Variants in ABCC5 observed in about 807,000 individuals in gnomAD.
ABCC5 encodes ATP binding cassette subfamily C member 5.
ABCC5 carries 61 observed loss-of-function variants against 160.9 expected under a neutral mutation model. The ratio of observed to expected loss-of-function variants is 0.38; its 90% CI spans 0.31 to 0.47. The LOEUF (loss-of-function observed/expected upper bound fraction) is 0.47, where lower values mean the gene tolerates loss of function less well. Among genes scored for constraint, ABCC5 ranks in the 20% least tolerant of loss-of-function variants. The pLI, the probability that ABCC5 is intolerant of heterozygous loss-of-function variation, is 0.99. For missense variants in ABCC5, 1,308 were observed against 1,813.3 expected (o/e 0.72, Z 5.06); for synonymous variants, 666 against 700.6 (o/e 0.95, Z 0.78).
rs572895341 is a variant in ABCC5 at position 183,947,388 on chromosome 3, A to G, written c.3350T>C (p.Ile1117Thr). 2.5e-6 allele frequency: 4 copies of G among 1,613,818 alleles called. No individual in the cohort carries two copies. The East Asian group carries it at 8.9e-5, about 36-fold the overall frequency. ...IALITTTGLMIVLMHGQIPPA... is the reference protein window; with the variant it reads ...IALITTTGLMTVLMHGQIPPA... ...GGGAATCTGCCCGTGCATAAGAACG[A>G]TCATCAGCCCCGTGGTGGTGATGAG... Residue 1117 changes from isoleucine (I) to threonine (T), a missense_variant, in exon 23 of 30, where the codon ATC becomes ACC. By Grantham distance (89) the Ile-to-Thr change is moderately conservative. Coordinates refer to ENST00000334444, the MANE Select transcript of ABCC5 (RefSeq NM_005688.4).
intron 10 of ABCC5, among the ~76,000 whole-genome samples, chr3:183,972,903 C>T (rs1717891115): frequency 6.6e-6 from 1 of 152,164 alleles, no homozygotes. Context: ...GCCTCAGCCT[C>T]CCAAAGTGCT....
Position 183,982,510 on chromosome 3 carries a change from T to G in ABCC5, c.940A>C (p.Ile314Leu), listed in dbSNP as rs753795471. Residue 314 changes from isoleucine (I) to leucine (L), a missense_variant, in exon 7 of 30, where the codon ATT becomes CTT. By Grantham distance (5) the Ile-to-Leu change is conservative. Coordinates refer to ENST00000334444, the MANE Select transcript of ABCC5 (RefSeq NM_005688.4). The surrounding 1 kb of genome is among the most constrained non-coding windows in gnomAD (Gnocchi z 5.2). ...CCCAGGAAGCCTGTTGGTCCCAGAA[T>G]AATTACATTATAAATCATGCCTAAG... ...AILGMIYNVI[I>L]LGPTGFLGSA... is the part of the protein sequence containing the mutation. 2.5e-6 allele frequency: 4 copies of G among 1,614,030 alleles called. No homozygotes were observed. Among genetic ancestry groups the G allele is most frequent in the Non-Finnish European group, 3.4e-6 (4 of 1,180,034 alleles).
chr3:183,989,439 CAAACGGAACTGATG>C, intron 2 of ABCC5, 56 bp from the exon 3 acceptor site: 1 of 1,576,038 alleles, frequency 6.3e-7, no homozygotes, highest in South Asian at 1.1e-5. Flanking sequence ...AGGCGAGAGG[CAAACGGAACTGATG>C]AAACAGCTCA....
At chr3:183,942,237 C>T (rs1325059942) in intron 25 of ABCC5, among the ~76,000 whole-genome samples, 1 of 152,018 alleles carries the variant, frequency 6.6e-6, no homozygotes, top group Non-Finnish European at 1.5e-5. Context: ...CGGGGTTTCA[C>T]CATGTTGTTC....
rs1398060624 is a variant in ABCC5 at position 183,949,227 on chromosome 3, C to T, written c.3227+526G>A. On this transcript the variant is annotated intron_variant, in intron 22 of 29. Transcript: ENST00000334444. This position sits in a 1 kb window ranked among gnomAD's most constrained non-coding sequence, Gnocchi z 4.2. ...TTGAAGAACATTTTAGTTCCAATCT[C>T]TTATTAATACAAAGCTCCACAATGA... 6.6e-6 allele frequency among the ~76,000 whole-genome samples: 1 copy of T among 152,194 alleles called. No homozygotes were observed. Among genetic ancestry groups the T allele is most frequent in the African/African-American group, 2.4e-5 (1 of 41,456 alleles).
rs370600973 is a variant in ABCC5, at chr3:183,995,933, G to A, written c.130-6550C>T. ...CTCCATTCTCCTGCCTCAGCCTCCC[G>A]AGTAGCTGGGATTACAGGCACCCGC... On this transcript the variant is annotated intron_variant, in intron 2 of 29. Coordinates refer to ENST00000334444, the MANE Select transcript of ABCC5 (RefSeq NM_005688.4). Among the ~76,000 whole-genome samples the A allele has an allele frequency of 1.7e-4, 26 of 151,862 alleles. 1 individual carries two copies. In the South Asian group the frequency reaches 3.5e-3, roughly 21 times the overall value.
chr3:183,985,001 C>T, intron 5 of ABCC5: 1 of 953,736 alleles, frequency 1.0e-6, no homozygotes, highest in Non-Finnish European at 1.6e-6. Flanking sequence ...ATGGGAGGAG[C>T]AGGGAAGGTA....
intron 5 of ABCC5, chr3:183,984,626 C>T: frequency 4.2e-6 from 6 of 1,415,840 alleles, no homozygotes; most frequent in Non-Finnish European, 5.5e-6. Context: ...TAGGAGACTT[C>T]AGATTCCAAG....
chr3:183,926,563 A>T (rs896893406), intron 28 of ABCC5, among the ~76,000 whole-genome samples: 2 of 151,850 alleles, frequency 1.3e-5, no homozygotes, highest in Non-Finnish European at 2.9e-5. Context: ...AACAAAACAA[A>T]ACAAAACAAA....
chr3:183,938,075 G>A lies in ABCC5; in HGVS notation c.3695-15C>T. ...CGAGGACTTCCCTGATGAGTCAGAA[G>A]ACATGCAAGAGAGGAGCTGTTAGCA... On this transcript the variant is annotated splice_polypyrimidine_tract_variant and intron_variant, in intron 25 of 29. Coordinates refer to ENST00000334444, the MANE Select transcript of ABCC5 (RefSeq NM_005688.4). 6.2e-7 allele frequency: 1 copy of A among 1,612,886 alleles called. No individual in the cohort carries two copies. Among genetic ancestry groups the A allele is most frequent in the Non-Finnish European group, 8.5e-7 (1 of 1,179,294 alleles).
rs892093791 is a variant in ABCC5 at position 184,000,971 on chromosome 3, G to C, written c.130-11588C>G. On this transcript the variant is annotated intron_variant, in intron 2 of 29. Coordinates refer to ENST00000334444, the MANE Select transcript of ABCC5 (RefSeq NM_005688.4). Reference sequence around the variant, plus strand: ...AGCCACATTTAAAAAGTAAAAAGTAGGCAGTGTACAGTGGCTTATGCCTGT... The same window carrying C: ...AGCCACATTTAAAAAGTAAAAAGTACGCAGTGTACAGTGGCTTATGCCTGT... 12 of 381,944 alleles carry C rather than the reference G, an allele frequency of 3.1e-5. No homozygotes were observed. In the Admixed American group the frequency reaches 4.9e-4, roughly 16 times the overall value. The allele number at this position is 381,944 out of a possible 1,614,324, so 23.7% of individuals were successfully genotyped here.
chr3:183,957,922 C>G, intron 17 of ABCC5, among the ~76,000 whole-genome samples: 1 of 149,848 alleles, frequency 6.7e-6, no homozygotes, highest in Middle Eastern at 3.5e-3. Context: ...GTGTGTATAT[C>G]ACATCGGTTA....
intron 2 of ABCC5, among the ~76,000 whole-genome samples, chr3:183,999,177 G>A (rs1217584217): frequency 6.6e-6 from 1 of 151,160 alleles, no homozygotes; most frequent in Non-Finnish European, 1.5e-5. Context: ...TCTCCCACTT[G>A]AAACTAACTA....
chr3:183,923,003 A>G (rs1712157011), intron 29 of ABCC5, among the ~76,000 whole-genome samples: 1 of 152,140 alleles, frequency 6.6e-6, no homozygotes, highest in South Asian at 2.1e-4. Context: ...TTAGTCTGGT[A>G]TTTTGTGTCT....
In ABCC5 at chr3:183,972,972, T is replaced by A. The variant is rs1025302962; in HGVS notation, c.1405-1053A>T. Among the ~76,000 whole-genome samples the A allele has an allele frequency of 4.0e-5, 6 of 150,308 alleles. No individual in the cohort carries two copies. In the Admixed American group the frequency reaches 4.0e-4, roughly 10 times the overall value. On this transcript the variant is annotated intron_variant, in intron 10 of 29. Coordinates refer to ENST00000334444, the MANE Select transcript of ABCC5 (RefSeq NM_005688.4). The stretch of plus-strand genomic sequence containing the variant: ...AAGAATGAACTCTTGAAGAGGGAAA[T>A]GTTTCTGAAATTAAGATGTAAAACA...
At chr3:183,992,329 T>C (rs1485672676) in intron 2 of ABCC5, among the ~76,000 whole-genome samples, 4 of 152,168 alleles carry the variant, frequency 2.6e-5, no homozygotes, top group African/African-American at 7.2e-5. Context: ...TGAACTTTGA[T>C]CTCACCACTA....
chr3:183,928,708 C>T (rs773218930), intron 27 of ABCC5, 39 bp downstream of exon 27: 6 of 1,579,292 alleles, frequency 3.8e-6, no homozygotes, highest in South Asian at 1.1e-5. Flanking sequence ...CTTCCACCCT[C>T]ACCATCTCAG....
In ABCC5 at chr3:184,017,603, T is replaced by C. The variant is rs1722299694; in HGVS notation, c.-56+227A>G. ...CCTGCCCGCTCATCCCGATCCTACCTGCCTGTCTTCCAGCACACGACCCCG... is the reference window on the plus strand; with the variant it reads ...CCTGCCCGCTCATCCCGATCCTACCCGCCTGTCTTCCAGCACACGACCCCG... On this transcript the variant is annotated intron_variant, in intron 1 of 29. Transcript: ENST00000334444. This position sits in a 1 kb window ranked among gnomAD's most constrained non-coding sequence, Gnocchi z 4.5. Among the ~76,000 whole-genome samples, 1 of 150,904 alleles carries C rather than the reference T, an allele frequency of 6.6e-6. No homozygotes were observed. The highest frequency in any genetic ancestry group is 6.6e-5 in the Admixed American group (1 of 15,126).
At chr3:183,970,832 A>G (rs1717670659) in intron 11 of ABCC5, among the ~76,000 whole-genome samples, 1 of 152,188 alleles carries the variant, frequency 6.6e-6, no homozygotes, top group African/African-American at 2.4e-5. Context: ...GTAAACTCCA[A>G]GAAGGACGGG....
Sources: allele counts gnomAD v4.1 joint callset (sites outside exome capture counted in the v4.1 genomes callset), GRCh38; gene constraint gnomAD v4.1.1; non-coding constraint Gnocchi (gnomAD v3.1); transcripts MANE v1.5; gene names NCBI Gene and HGNC (gene_info 2026-07-23, HGNC 2026-07-21).